LARGE1: variants seen among roughly 807,000 people sequenced by gnomAD.
The protein encoded by LARGE1 is xylosyl- and glucuronyltransferase LARGE1.
LARGE1 carries 43 observed loss-of-function variants against 87.6 expected under a neutral mutation model. The observed-to-expected ratio is 0.49, with a 90% CI of 0.38 to 0.63. The LOEUF is 0.63. LARGE1 is among the 30% of genes least tolerant of loss of function. The pLI is 0.00. For missense variants in LARGE1, 802 were observed against 1,000.2 expected (o/e 0.80, Z 2.67); for synonymous variants, 434 against 394.6 (o/e 1.10, Z -1.18).
chr22:33,922,451 T>A (rs1156346914), upstream of LARGE1: 5 of 152,412 alleles, frequency 3.3e-5, no homozygotes, highest in East Asian at 9.7e-4. Context: ...GCGCCCGCTT[T>A]GCCCCGGCTC....
chr22:33,819,161 C>T (rs1490800835), intron 1 of LARGE1, among the ~76,000 whole-genome samples: 2 of 152,158 alleles, frequency 1.3e-5, no homozygotes, highest in South Asian at 2.1e-4. Context: ...AGAGTTCACA[C>T]GGGCTCCTGG....
chr22:33,433,146 A>G (rs916165925), intron 6 of LARGE1, among the ~76,000 whole-genome samples: 1 of 152,230 alleles, frequency 6.6e-6, no homozygotes, highest in African/African-American at 2.4e-5. Flanking sequence ...AAACAGGCTC[A>G]CAAAGGACCA....
chr22:33,441,091 T>TTTTTTTTTTTTTA (rs2067457012), intron 6 of LARGE1, among the ~76,000 whole-genome samples: 1 of 143,466 alleles, frequency 7.0e-6, no homozygotes, highest in Non-Finnish European at 1.5e-5. Context: ...TTTTTTTTTT[T>TTTTTTTTTTTTTA]GAGAGGGAGT....
chr22:33,124,335 A>T, the LARGE1 span, among the ~76,000 whole-genome samples: 1 of 148,718 alleles, frequency 6.7e-6, no homozygotes, highest in South Asian at 2.2e-4. Flanking sequence ...GGAGAAAGAG[A>T]CAAAGAGACA....
chr22:33,446,578 C>T (rs1035640827), intron 6 of LARGE1, among the ~76,000 whole-genome samples: 7 of 152,126 alleles, frequency 4.6e-5, no homozygotes. Context: ...TGCTTTGTAT[C>T]AGGAGGGAAA....
rs540111297 is a variant in LARGE1, at chr22:33,879,217, C to T, written c.-83+40778G>A. 2.0e-5 allele frequency among the ~76,000 whole-genome samples: 3 copies of T among 152,292 alleles called. No homozygotes were observed. The South Asian group carries it at 6.2e-4, about 32-fold the overall frequency. ...CTGACCTCAGGTGATCTGCCCGCCT[C>T]GGCCTCCCAAAGTGGTGGGATTACA... On this transcript the variant is annotated intron_variant, in intron 1 of 14. Coordinates refer to ENST00000397394, the MANE Select transcript of LARGE1 (RefSeq NM_133642.5).
At chr22:33,531,239 C>T (rs1299356138) in intron 6 of LARGE1, among the ~76,000 whole-genome samples, 1 of 152,096 alleles carries the variant, frequency 6.6e-6, no homozygotes, top group African/African-American at 2.4e-5. Context: ...CTCACTGCAA[C>T]CTCCTCCTCC....
At chr22:33,270,071 C>G (rs372452502), downstream of LARGE1, among the ~76,000 whole-genome samples, 2 of 151,566 alleles carry the variant, frequency 1.3e-5, no homozygotes, top group Admixed American at 6.6e-5. Flanking sequence ...ATTAAATATT[C>G]ACAGTCAGAA....
chr22:33,573,311 C>T (rs749576557), intron 5 of LARGE1, among the ~76,000 whole-genome samples: 14 of 151,816 alleles, frequency 9.2e-5, no homozygotes, highest in African/African-American at 2.4e-4. Context: ...TGGTGGTGTG[C>T]GCATGTAATC....
chr22:33,887,540 C>T (rs1158294882), intron 1 of LARGE1, among the ~76,000 whole-genome samples: 1 of 152,138 alleles, frequency 6.6e-6, no homozygotes, highest in Non-Finnish European at 1.5e-5. Flanking sequence ...AGTTCGAGAT[C>T]AGTCTGAACA....
intron 1 of LARGE1, among the ~76,000 whole-genome samples, chr22:33,802,724 T>C (rs550784819): frequency 4.4e-4 from 67 of 152,282 alleles, no homozygotes; most frequent in African/African-American, 1.6e-3. Flanking sequence ...CTAGAAAGAA[T>C]TGTGCACTTC....
chr22:33,393,222 C>T (rs190778697), intron 7 of LARGE1, among the ~76,000 whole-genome samples: 79 of 152,290 alleles, frequency 5.2e-4, no homozygotes, highest in Middle Eastern at 6.8e-3. Context: ...TCATAAAAGA[C>T]TTGAGAAACA....
At chr22:33,150,763 G>C in the LARGE1 span, among the ~76,000 whole-genome samples, 3 of 152,132 alleles carry the variant, frequency 2.0e-5, no homozygotes, top group Non-Finnish European at 4.4e-5. Context: ...TTTTGTACTT[G>C]TATGGGCTTA....
the LARGE1 span, among the ~76,000 whole-genome samples, chr22:33,123,269 A>T: frequency 1.1e-4 from 17 of 152,228 alleles, no homozygotes; most frequent in Admixed American, 2.6e-4. Context: ...TTTACAGAAT[A>T]AATCTAATTG....
intron 5 of LARGE1, among the ~76,000 whole-genome samples, chr22:33,592,571 G>C (rs1266419047): frequency 6.6e-6 from 1 of 152,084 alleles, no homozygotes; most frequent in Non-Finnish European, 1.5e-5. Context: ...TTTTAAAATG[G>C]CTGTGATCAG....
chr22:33,752,412 A>G (rs1293801311), intron 2 of LARGE1, among the ~76,000 whole-genome samples: 1 of 152,164 alleles, frequency 6.6e-6, no homozygotes, highest in African/African-American at 2.4e-5. Flanking sequence ...ATAAAATAAA[A>G]TTGACTTAAA....
intron 7 of LARGE1, among the ~76,000 whole-genome samples, chr22:33,426,153 C>G (rs1276762492): frequency 6.6e-6 from 1 of 152,164 alleles, no homozygotes; most frequent in Non-Finnish European, 1.5e-5. Context: ...ATGATCAATT[C>G]TGGATCTCAA....
intron 6 of LARGE1, among the ~76,000 whole-genome samples, chr22:33,515,629 G>A (rs2071268399): frequency 6.6e-6 from 1 of 152,270 alleles, no homozygotes; most frequent in East Asian, 1.9e-4. Flanking sequence ...AGCCAGAAAA[G>A]CTACCCCAGA....
At chr22:33,160,729 C>T (rs1248114046), downstream of LARGE1, among the ~76,000 whole-genome samples, 2 of 152,216 alleles carry the variant, frequency 1.3e-5, no homozygotes, top group Non-Finnish European at 2.9e-5. Flanking sequence ...ATAGGAAACA[C>T]ACCCTATGTT....
Sources: allele counts gnomAD v4.1 joint callset (sites outside exome capture counted in the v4.1 genomes callset), GRCh38; gene constraint gnomAD v4.1.1; transcripts MANE v1.5; gene names NCBI Gene and HGNC (gene_info 2026-07-23, HGNC 2026-07-21).